IMMP2L: variants seen among roughly 807,000 people sequenced by gnomAD.
IMMP2L encodes the protein inner mitochondrial membrane peptidase subunit 2, also known as mitochondrial inner membrane protease subunit 2.
Under a neutral mutation model 19.3 loss-of-function variants are expected in IMMP2L, and 18 were observed. That is an observed-to-expected ratio of 0.93 (90% CI 0.64 to 1.38). The LOEUF is 1.38. Among genes scored for constraint, IMMP2L ranks in the 40% most tolerant of loss-of-function variants. IMMP2L has a pLI of 0.00. For synonymous variants in IMMP2L, 76 were observed against 73.0 expected, an observed-to-expected ratio of 1.04 and a Z score of -0.21; for missense variants, 233 against 218.2, an observed-to-expected ratio of 1.07 and a Z score of -0.43.
At chr7:111,360,346 C>A (rs563284634) in intron 3 of IMMP2L, among the ~76,000 whole-genome samples, 2 of 152,270 alleles carry the variant, frequency 1.3e-5, no homozygotes, top group South Asian at 2.1e-4. Context: ...CTGATGGTCC[C>A]CATGAACCTT....
At chr7:111,447,816 T>G (rs1838664888) in intron 3 of IMMP2L, among the ~76,000 whole-genome samples, 2 of 151,578 alleles carry the variant, frequency 1.3e-5, no homozygotes, top group South Asian at 4.2e-4. Context: ...GAAACCCATC[T>G]CACGTGCAGA....
intron 3 of IMMP2L, among the ~76,000 whole-genome samples, chr7:111,053,272 T>A (rs1204490614): frequency 6.6e-6 from 1 of 152,190 alleles, no homozygotes; most frequent in Non-Finnish European, 1.5e-5. Context: ...CCCTCCTGAT[T>A]CTTCCCTTGG....
At chr7:111,009,338 T>G (rs138159947) in intron 3 of IMMP2L, among the ~76,000 whole-genome samples, 23 of 152,242 alleles carry the variant, frequency 1.5e-4, no homozygotes, top group African/African-American at 5.1e-4. Context: ...GCCAAATTAA[T>G]TGTGGATTCA....
intron 2 of IMMP2L, among the ~76,000 whole-genome samples, chr7:111,502,175 C>T (rs1019277470): frequency 4.2e-4 from 64 of 152,190 alleles, no homozygotes; most frequent in African/African-American, 1.5e-3. Context: ...CAATCCTAGT[C>T]TCTGACAAAA....
At chr7:111,505,549 A>G (rs1040256687) in intron 2 of IMMP2L, among the ~76,000 whole-genome samples, 3 of 152,202 alleles carry the variant, frequency 2.0e-5, no homozygotes, top group Admixed American at 2.0e-4. Context: ...TATTCACAAT[A>G]GCAAAGACTT....
intron 3 of IMMP2L, among the ~76,000 whole-genome samples, chr7:111,268,240 A>G (rs1211234524): frequency 6.6e-6 from 1 of 152,086 alleles, no homozygotes; most frequent in East Asian, 1.9e-4. Context: ...GGAGTAGGAT[A>G]TTAGGATGCA....
intron 3 of IMMP2L, among the ~76,000 whole-genome samples, chr7:111,168,666 C>G (rs1288882404): frequency 2.0e-5 from 3 of 151,996 alleles, no homozygotes; most frequent in Admixed American, 2.0e-4. Flanking sequence ...TAAAGATAAT[C>G]TTAAAGCTCT....
At chr7:110,958,117 A>G (rs1220258456) in intron 4 of IMMP2L, among the ~76,000 whole-genome samples, 1 of 152,022 alleles carries the variant, frequency 6.6e-6, no homozygotes, top group Non-Finnish European at 1.5e-5. Flanking sequence ...TTGTGTTACA[A>G]TGTTTTACCC....
chr7:111,009,448 G>A (rs994701087), intron 3 of IMMP2L, among the ~76,000 whole-genome samples: 2 of 151,928 alleles, frequency 1.3e-5, no homozygotes, highest in African/African-American at 4.8e-5. Context: ...GGCAGAAATT[G>A]TATTGCTCAG....
intron 3 of IMMP2L, among the ~76,000 whole-genome samples, chr7:111,085,123 G>T (rs1222268024): frequency 6.6e-6 from 1 of 152,110 alleles, no homozygotes; most frequent in African/African-American, 2.4e-5. Flanking sequence ...AAAGGAATCT[G>T]AGGAAGAGAC....
chr7:111,166,450 A>G (rs1004753291), intron 3 of IMMP2L, among the ~76,000 whole-genome samples: 1 of 152,050 alleles, frequency 6.6e-6, no homozygotes, highest in Non-Finnish European at 1.5e-5. Flanking sequence ...ACATAAAAAG[A>G]GAAGCAAATA....
chr7:111,388,013 T>C (rs1014293578), intron 3 of IMMP2L, among the ~76,000 whole-genome samples: 1 of 129,490 alleles, frequency 7.7e-6, no homozygotes, highest in Admixed American at 7.5e-5. Context: ...AAATACTAAA[T>C]AACCCCATTT....
At chr7:110,827,889 A>T (rs952288286) in intron 5 of IMMP2L, among the ~76,000 whole-genome samples, 2 of 152,148 alleles carry the variant, frequency 1.3e-5, no homozygotes, top group Admixed American at 1.3e-4. Flanking sequence ...ACACCTCTGG[A>T]AAATATGTAC....
intron 3 of IMMP2L, among the ~76,000 whole-genome samples, chr7:111,065,282 T>C (rs995105928): frequency 2.6e-5 from 4 of 152,232 alleles, no homozygotes; most frequent in African/African-American, 9.6e-5. Flanking sequence ...CTTTATATAA[T>C]AGCATTTGGT....
chr7:111,300,136 G>C (rs576811647), intron 3 of IMMP2L, among the ~76,000 whole-genome samples: 144 of 152,290 alleles, frequency 9.5e-4, no homozygotes, highest in African/African-American at 3.3e-3. Flanking sequence ...CAGACTTACA[G>C]AGTCAAATGC....
chr7:111,349,753 A>C (rs978691526), intron 3 of IMMP2L, among the ~76,000 whole-genome samples: 14 of 152,136 alleles, frequency 9.2e-5, no homozygotes, highest in Non-Finnish European at 1.6e-4. Context: ...CAAAGAAAAT[A>C]CATGGCTTCT....
At chr7:110,736,045 C>G (rs1390765921) in intron 5 of IMMP2L, among the ~76,000 whole-genome samples, 1 of 152,024 alleles carries the variant, frequency 6.6e-6, no homozygotes, top group Non-Finnish European at 1.5e-5. Context: ...CACCTCAAGT[C>G]TCTGCTCCCA....
intron 3 of IMMP2L, among the ~76,000 whole-genome samples, chr7:111,312,594 G>A (rs924647183): frequency 6.6e-5 from 10 of 152,080 alleles, no homozygotes; most frequent in African/African-American, 2.4e-4. Flanking sequence ...GTCAAAAACA[G>A]CCAACAGGAG....
At chr7:111,084,781 G>C (rs575239301) in intron 3 of IMMP2L, among the ~76,000 whole-genome samples, 1 of 152,248 alleles carries the variant, frequency 6.6e-6, no homozygotes, top group East Asian at 1.9e-4. Context: ...TTAGAAATCA[G>C]AGAAAAGTCA....
Sources: gnomAD v4.1 joint callset for allele counts (sites outside exome capture counted in the v4.1 genomes callset) on GRCh38, gnomAD v4.1.1 for gene constraint, MANE v1.5 for transcripts, NCBI Gene and HGNC (gene_info 2026-07-23, HGNC 2026-07-21) for gene names.